The following FAM47E variants were observed in gnomAD, a reference collection of about 807,000 sequenced individuals.
The protein encoded by FAM47E is family with sequence similarity 47 member E.
Under a neutral mutation model 41.6 loss-of-function variants are expected in FAM47E, and 32 were observed. That is an observed-to-expected ratio of 0.77 (90% CI 0.58 to 1.03). The LOEUF (loss-of-function observed/expected upper bound fraction) is 1.03, where lower values mean the gene tolerates loss of function less well. Ranked by LOEUF, FAM47E falls within the 50% of genes least tolerant of loss-of-function variation. The probability of loss-of-function intolerance (pLI) is 0.00; values close to 1 mark genes in which losing one functional copy is unlikely to be tolerated. For synonymous variants in FAM47E, 184 were observed against 188.7 expected (o/e 0.98, Z 0.20); for missense variants, 424 against 485.4 (o/e 0.87, Z 1.19).
chr4:76,240,712 T>G (rs1733692940), intron 2 of FAM47E, among the ~76,000 whole-genome samples: 1 of 152,196 alleles, frequency 6.6e-6, no homozygotes, highest in Non-Finnish European at 1.5e-5. Flanking sequence ...ATTGTACTTT[T>G]TAGTTCCAGA....
intron 2 of FAM47E, among the ~76,000 whole-genome samples, chr4:76,233,841 TACAA>T (rs1733535267): frequency 6.6e-6 from 1 of 151,202 alleles, no homozygotes; most frequent in Non-Finnish European, 1.5e-5. Context: ...TTGCAGATAA[TACAA>T]ACAGAGATAG....
intron 2 of FAM47E, among the ~76,000 whole-genome samples, chr4:76,229,597 G>A (rs1733458529): frequency 1.3e-5 from 2 of 152,174 alleles, no homozygotes; most frequent in Admixed American, 1.3e-4. Flanking sequence ...TGAACTGAAT[G>A]ATTATTATTG....
intron 2 of FAM47E, among the ~76,000 whole-genome samples, chr4:76,235,107 G>A (rs988554988): frequency 6.6e-6 from 1 of 152,100 alleles, no homozygotes; most frequent in African/African-American, 2.4e-5. Flanking sequence ...CACGAGGTCA[G>A]GAGATAGAGA....
chr4:76,235,143 C>G (rs1474938279), intron 2 of FAM47E, among the ~76,000 whole-genome samples: 1 of 151,878 alleles, frequency 6.6e-6, no homozygotes, highest in Non-Finnish European at 1.5e-5. Context: ...CGGTGAAAAC[C>G]CGTCCCTACT....
intron 2 of FAM47E, among the ~76,000 whole-genome samples, chr4:76,245,174 A>T (rs1733798481): frequency 6.6e-6 from 1 of 152,158 alleles, no homozygotes; most frequent in African/African-American, 2.4e-5. Context: ...TCCTATACTT[A>T]GCAGTGGAAA....
At chr4:76,252,565 T>G (rs1048092060) in intron 1 of FAM47E, among the ~76,000 whole-genome samples, 5 of 152,108 alleles carry the variant, frequency 3.3e-5, no homozygotes, top group African/African-American at 1.2e-4. Context: ...GGGCAATAAC[T>G]TAGGAATCAG....
intron 3 of FAM47E, chr4:76,268,382 T>A (rs1256762673): frequency 3.3e-6 from 1 of 305,208 alleles, no homozygotes; most frequent in East Asian, 8.6e-5. Flanking sequence ...ACCCAGTACA[T>A]GTTTTAATAA....
intron 2 of FAM47E, among the ~76,000 whole-genome samples, chr4:76,245,191 G>A (rs936020409): frequency 5.9e-5 from 9 of 151,810 alleles, no homozygotes; most frequent in Admixed American, 1.3e-4. Context: ...GAAATACTGA[G>A]TCATAAGTAA....
chr4:76,255,255 G>T (rs1339959072), intron 1 of FAM47E, among the ~76,000 whole-genome samples: 1 of 152,136 alleles, frequency 6.6e-6, no homozygotes, highest in East Asian at 1.9e-4. Context: ...CCTTTGACAA[G>T]TGTTTTGTTT....
intron 2 of FAM47E, among the ~76,000 whole-genome samples, chr4:76,246,608 A>C (rs772914239): frequency 4.6e-5 from 7 of 152,112 alleles, no homozygotes; most frequent in Admixed American, 2.0e-4. Context: ...AAAATTTTAC[A>C]TATGTACTAA....
intron 2 of FAM47E, among the ~76,000 whole-genome samples, chr4:76,239,148 A>T (rs1264947691): frequency 1.3e-5 from 2 of 152,210 alleles, no homozygotes; most frequent in Admixed American, 1.3e-4. Flanking sequence ...ACCAATAGTC[A>T]CTTGGTCTGC....
chr4:76,228,043 G>A (rs920840207), intron 2 of FAM47E, among the ~76,000 whole-genome samples: 19 of 151,836 alleles, frequency 1.3e-4, no homozygotes, highest in Non-Finnish European at 4.4e-5. Context: ...TCAGTATTGA[G>A]ATGTAAGGTA....
chr4:76,259,744 C>A (rs1734330167), intron 2 of FAM47E, among the ~76,000 whole-genome samples: 1 of 152,020 alleles, frequency 6.6e-6, no homozygotes. Flanking sequence ...ATGGATTGGT[C>A]ATGAGATTTG....
intron 5 of FAM47E, among the ~76,000 whole-genome samples, chr4:76,273,181 T>G (rs997313382): frequency 1.3e-5 from 2 of 152,302 alleles, no homozygotes; most frequent in Admixed American, 6.5e-5. Flanking sequence ...GTGTGGATAC[T>G]CTGGACAAAG....
intron 3 of FAM47E, 79 bp downstream of exon 3, chr4:76,263,922 A>G (rs1188859811): frequency 4.7e-6 from 7 of 1,494,530 alleles, no homozygotes; most frequent in Non-Finnish European, 6.3e-6. Context: ...AAAACTTCTC[A>G]TCTTTAGAAT....
chr4:76,250,070 T>C (rs867845066), upstream of FAM47E, among the ~76,000 whole-genome samples: 11 of 152,288 alleles, frequency 7.2e-5, no homozygotes, highest in African/African-American at 2.4e-4. Flanking sequence ...TCTGGGTAGA[T>C]ACCCAGGTAG....
rs141058796 is a variant in FAM47E, at chr4:76,262,176, A to T, written c.421-1528A>T. 6.6e-5 allele frequency among the ~76,000 whole-genome samples: 10 copies of T among 152,312 alleles called. No homozygotes were observed. The East Asian group carries it at 1.9e-3, about 29-fold the overall frequency. ...TAATAGGGAGTACTCACGTGAGTGT[A>T]TATTGAATCACAGAAGAATTTTAAA... is the stretch of plus-strand genomic sequence containing the variant. On this transcript the variant is annotated intron_variant, in intron 2 of 7. Transcript: ENST00000424749.
intron 2 of FAM47E, among the ~76,000 whole-genome samples, chr4:76,222,841 G>A (rs1203949488): frequency 5.3e-5 from 8 of 152,176 alleles, no homozygotes; most frequent in Non-Finnish European, 1.2e-4. Flanking sequence ...TACCATGGAG[G>A]ACTAGTAAGC....
chr4:76,240,035 T>G (rs1408869769), intron 2 of FAM47E, among the ~76,000 whole-genome samples: 1 of 152,206 alleles, frequency 6.6e-6, no homozygotes, highest in Non-Finnish European at 1.5e-5. Context: ...GGTTTTTTTC[T>G]GGACTGTGTT....
Sources: gnomAD v4.1 joint callset for allele counts (sites outside exome capture counted in the v4.1 genomes callset) on GRCh38, gnomAD v4.1.1 for gene constraint, MANE v1.5 for transcripts, NCBI Gene and HGNC (gene_info 2026-07-23, HGNC 2026-07-21) for gene names.